Variants in RAB3IP observed in about 807,000 individuals in gnomAD.
The protein encoded by RAB3IP is rab-3A-interacting protein.
A neutral mutation model predicts 59.1 loss-of-function variants in RAB3IP; 36 were observed. The observed-to-expected ratio is 0.61, with a 90% CI of 0.47 to 0.80. RAB3IP has a LOEUF of 0.80. Ranked by LOEUF, RAB3IP falls within the 30% of genes least tolerant of loss-of-function variation. The probability of loss-of-function intolerance (pLI) is 0.00; values close to 1 mark genes in which losing one functional copy is unlikely to be tolerated. For synonymous variants in RAB3IP, 207 were observed against 191.2 expected, an observed-to-expected ratio of 1.08 and a Z score of -0.68; for missense variants, 511 against 536.0, an observed-to-expected ratio of 0.95 and a Z score of 0.46.
At chr12:69,767,692 A>T (rs1872453219) in intron 3 of RAB3IP, among the ~76,000 whole-genome samples, 1 of 151,444 alleles carries the variant, frequency 6.6e-6, no homozygotes, top group African/African-American at 2.4e-5. Flanking sequence ...CCCTATACCA[A>T]GGCCTCTGCA....
chr12:69,806,206 C>G lies in RAB3IP; in HGVS notation c.1130+4485C>G, dbSNP rs543334769. The stretch of plus-strand genomic sequence containing the variant: ...ATTGGTCTATTCAGAGATTCAACTT[C>G]TTCCTGGTTTAGTCTTGGGAGAGTG... On this transcript the variant is annotated intron_variant, in intron 8 of 10. Transcript: ENST00000247833. Among the ~76,000 whole-genome samples the G allele has an allele frequency of 1.4e-3, 212 of 152,254 alleles. 1 individual carries two copies. Among genetic ancestry groups the G allele is most frequent in the African/African-American group, 5.0e-3 (209 of 41,542 alleles).
intron 8 of RAB3IP, among the ~76,000 whole-genome samples, chr12:69,805,354 G>A (rs1036520539): frequency 3.3e-5 from 5 of 152,232 alleles, no homozygotes; most frequent in African/African-American, 9.6e-5. Context: ...TTTGTATCCT[G>A]AGACTTTGCT....
intron 1 of RAB3IP, among the ~76,000 whole-genome samples, chr12:69,751,973 A>G (rs1168924518): frequency 2.0e-5 from 3 of 150,502 alleles, no homozygotes; most frequent in Admixed American, 2.0e-4. Flanking sequence ...TTCTATAGGT[A>G]ACCATTTTGC....
chr12:69,797,700 A>T (rs185216391), intron 6 of RAB3IP, among the ~76,000 whole-genome samples: 2 of 148,298 alleles, frequency 1.3e-5, no homozygotes, highest in East Asian at 2.0e-4. Context: ...CAGTCCCCAG[A>T]GTGTGATGTT....
At chr12:69,748,502 G>T (rs575249675) in intron 1 of RAB3IP, among the ~76,000 whole-genome samples, 2 of 152,110 alleles carry the variant, frequency 1.3e-5, no homozygotes, top group African/African-American at 4.8e-5. Context: ...TACTGATTTC[G>T]AGAAAGAAAA....
chr12:69,786,469 G>C (rs998142440), intron 4 of RAB3IP, among the ~76,000 whole-genome samples: 2 of 152,108 alleles, frequency 1.3e-5, no homozygotes, highest in East Asian at 3.9e-4. Context: ...AGGAAGAGTG[G>C]AAAGTTAAAG....
At position 69,755,382 on chromosome 12, in the gene RAB3IP, A is replaced by G; in HGVS notation, c.-25-2A>G. ...AAGTATCTGCTTTTTGTTTTAACAT[A>G]GGTTATCTTATGATGAGGCTTTTGC... On this transcript the variant is annotated splice_acceptor_variant, in intron 1 of 10. Transcript: ENST00000247833. LOFTEE classifies it low-confidence loss of function (5UTR_SPLICE). The G allele has an allele frequency of 6.2e-7, 1 of 1,608,850 alleles. No homozygotes were observed. The highest frequency in any genetic ancestry group is 8.5e-7 in the Non-Finnish European group (1 of 1,177,300).
intron 1 of RAB3IP, among the ~76,000 whole-genome samples, chr12:69,751,287 T>C (rs974719877): frequency 6.6e-6 from 1 of 152,196 alleles, no homozygotes; most frequent in African/African-American, 2.4e-5. Flanking sequence ...CAGTAGTTTT[T>C]GATGGTGTGC....
At position 69,795,259 on chromosome 12, in the gene RAB3IP, C is replaced by T; in HGVS notation, c.803C>T (p.Thr268Ile). 1.2e-6 allele frequency: 2 copies of T among 1,613,966 alleles called. No homozygotes were observed. Among genetic ancestry groups the T allele is most frequent in the South Asian group, 1.1e-5 (1 of 91,080 alleles). The change falls in exon 6 of 11, where the codon ACA (threonine) becomes ATA (isoleucine). Residue 268 changes from threonine (T) to isoleucine (I), a missense_variant. By Grantham distance (89) the Thr-to-Ile change is moderately conservative. Coordinates refer to ENST00000247833, the MANE Select transcript of RAB3IP (RefSeq NM_022456.5). ...AAGACACCTTTTAAAAAGGGGCATA[C>T]AAGAAATAAAAGCACAAGCAGTGCT... ...GGKTPFKKGH[T>I]RNKSTSSAMS...
At chr12:69,804,660 A>T (rs546063113) in intron 8 of RAB3IP, among the ~76,000 whole-genome samples, 1 of 151,962 alleles carries the variant, frequency 6.6e-6, no homozygotes, top group Admixed American at 6.6e-5. Flanking sequence ...TCCATCTTGA[A>T]TTAATTTTTG....
chr12:69,805,898 C>T (rs1258987566), intron 8 of RAB3IP, among the ~76,000 whole-genome samples: 1 of 152,086 alleles, frequency 6.6e-6, no homozygotes, highest in African/African-American at 2.4e-5. Flanking sequence ...ATTCGGTTTG[C>T]CAGTATTTTA....
In RAB3IP at chr12:69,795,665, G is replaced by A. The variant is rs536379834; in HGVS notation, c.888+321G>A. On this transcript the variant is annotated intron_variant, in intron 6 of 10. Coordinates refer to ENST00000247833, the MANE Select transcript of RAB3IP (RefSeq NM_022456.5). ...GCTAGTCAAAATTTATTGCTAGAGT[G>A]CGCTTACAAAGTATGGATATAAGAA... 4.1e-5 allele frequency: 18 copies of A among 439,260 alleles called. No individual in the cohort carries two copies. In the East Asian group the frequency reaches 4.6e-4, roughly 11 times the overall value. 27.2% of individuals were successfully genotyped at this position (439,260 alleles called of 1,614,324 possible).
chr12:69,800,139 G>T, intron 6 of RAB3IP, 70 bp from the exon 7 acceptor site: 1 of 1,218,704 alleles, frequency 8.2e-7, no homozygotes, highest in East Asian at 2.8e-5. Flanking sequence ...AATTAGTTTT[G>T]GTTTTGTAAA....
chr12:69,772,655 CAAAG>C (rs983404549), intron 3 of RAB3IP, among the ~76,000 whole-genome samples: 8 of 152,122 alleles, frequency 5.3e-5, no homozygotes, highest in Admixed American at 2.0e-4. Context: ...ATTTTGATCT[CAAAG>C]AAAAGAAAGA....
chr12:69,754,889 A>G (rs2136124938), intron 1 of RAB3IP, among the ~76,000 whole-genome samples: 1 of 152,310 alleles, frequency 6.6e-6, no homozygotes, highest in Non-Finnish European at 1.5e-5. Flanking sequence ...TTTAATATGA[A>G]CATTTAATAA....
chr12:69,801,158 A>G (rs1266811193), intron 7 of RAB3IP, among the ~76,000 whole-genome samples: 1 of 152,188 alleles, frequency 6.6e-6, no homozygotes, highest in Non-Finnish European at 1.5e-5. Context: ...TAATTCAGCT[A>G]ATTCTTTTGT....
rs200147593 is a variant in RAB3IP at position 69,820,973 on chromosome 12, TA to T, written c.*5537del. ...AAACTCCATGAAAATTTGCAAAACTTAAAAAAAAAATGTAGAAGAGGACTAA... is the reference window on the plus strand; with the variant it reads ...AAACTCCATGAAAATTTGCAAAACTTAAAAAAAAATGTAGAAGAGGACTAA... On this transcript the variant is annotated 3_prime_UTR_variant, in exon 11 of 11. Transcript: ENST00000247833. 592 of 146,908 alleles carry T rather than the reference TA, an allele frequency of 4.0e-3. 6 individuals are homozygous for T. The highest frequency in any genetic ancestry group is 0.023 in the East Asian group (116 of 5,028). 9.1% of individuals were successfully genotyped at this position (146,908 alleles called of 1,614,324 possible).
At chr12:69,767,032 G>A (rs564823747) in intron 3 of RAB3IP, among the ~76,000 whole-genome samples, 1 of 152,202 alleles carries the variant, frequency 6.6e-6, no homozygotes, top group South Asian at 2.1e-4. Context: ...TCCCTTGGTG[G>A]TGTTACTACA....
At chr12:69,750,109 A>G (rs950417431) in intron 1 of RAB3IP, among the ~76,000 whole-genome samples, 3 of 152,234 alleles carry the variant, frequency 2.0e-5, no homozygotes, top group African/African-American at 7.2e-5. Context: ...AGTAGGGTCT[A>G]ATAACGGTAG....
Sources: allele counts gnomAD v4.1 joint callset (sites outside exome capture counted in the v4.1 genomes callset), GRCh38; gene constraint gnomAD v4.1.1; transcripts MANE v1.5; gene names NCBI Gene and HGNC (gene_info 2026-07-23, HGNC 2026-07-21).